Variants in MED13 observed in about 807,000 individuals in gnomAD.
MED13 encodes mediator complex subunit 13.
Under a neutral mutation model 225.2 loss-of-function variants are expected in MED13, and 23 were observed. That is an observed-to-expected ratio of 0.10 (90% CI 0.07 to 0.14). The LOEUF is 0.14. Among genes scored for constraint, MED13 ranks in the 10% least tolerant of loss-of-function variants. The probability of loss-of-function intolerance (pLI) is 1.00; values close to 1 mark genes in which losing one functional copy is unlikely to be tolerated. For synonymous variants in MED13, 942 were observed against 889.2 expected (o/e 1.06, Z -1.06); for missense variants, 2,197 against 2,594.5 (o/e 0.85, Z 3.33).
In MED13 at chr17:61,995,342, G is replaced by A. The variant is rs1356737571; in HGVS notation, c.1991C>T (p.Pro664Leu). 2 of 1,610,654 alleles carry A rather than the reference G, an allele frequency of 1.2e-6. No homozygotes were observed. Among genetic ancestry groups the A allele is most frequent in the Admixed American group, 1.7e-5 (1 of 59,600 alleles). ...CACTAATTCATCAGAAACTTTTAAA[G>A]GTTTCTTACATTGCACCATTAACCT... The part of the protein sequence containing the change: ...VTELMVQCKK[P>L]LKVSDELVQQ... The change falls in exon 10 of 30, where the codon CCT becomes CTT. Residue 664 changes from proline to leucine, a missense_variant. Physicochemically the swap from Pro to Leu is moderately conservative, Grantham distance 98. Around this residue, in one of 12 missense-constraint regions of MED13, gnomAD observed 884 missense variants for 918.5 expected, o/e 0.96. Coordinates refer to ENST00000397786, the MANE Select transcript of MED13 (RefSeq NM_005121.3).
At chr17:62,011,282 C>T (rs766063393) in intron 8 of MED13, 49 bp from the exon 9 acceptor site, 62 of 1,502,458 alleles carry the variant, frequency 4.1e-5, no homozygotes, top group Admixed American at 8.0e-5. Flanking sequence ...ACTATTATGG[C>T]GAAGTATAAT....
intron 2 of MED13, among the ~76,000 whole-genome samples, chr17:62,058,971 T>TA (rs1269022147): frequency 2.0e-5 from 3 of 152,198 alleles, no homozygotes; most frequent in Admixed American, 6.5e-5. Context: ...AAACAAATGC[T>TA]AAGTGACATA....
At chr17:62,052,830 A>G (rs1175351884) in intron 2 of MED13, 125 bp from the exon 3 acceptor site, 2 of 549,002 alleles carry the variant, frequency 3.6e-6, no homozygotes, top group African/African-American at 1.9e-5. Flanking sequence ...ATTAAGCTAC[A>G]ATCACTTCAA....
intron 9 of MED13, among the ~76,000 whole-genome samples, chr17:61,997,009 A>G (rs369083627): frequency 2.6e-5 from 4 of 152,228 alleles, no homozygotes; most frequent in Non-Finnish European, 4.4e-5. Context: ...AACAATTTTT[A>G]CACACTAGAA....
chr17:62,027,772 T>C lies in MED13; in HGVS notation c.1283+1769A>G, dbSNP rs188834723. ...AAGTGGGCAAAGGACATGAAAACTT[T>C]TCAAAAGAAGACATATGTGCAGCCA... On this transcript the variant is annotated intron_variant, in intron 8 of 29. Coordinates refer to ENST00000397786, the MANE Select transcript of MED13 (RefSeq NM_005121.3). Among the ~76,000 whole-genome samples, 4 of 152,268 alleles carry C rather than the reference T, an allele frequency of 2.6e-5. No homozygotes were observed. In the East Asian group the frequency reaches 7.7e-4, roughly 29 times the overall value.
chr17:62,018,545 A>G (rs1319829113), intron 8 of MED13, among the ~76,000 whole-genome samples: 6 of 152,184 alleles, frequency 3.9e-5, no homozygotes, highest in African/African-American at 1.2e-4. Context: ...TCTCTATTAC[A>G]AATACACACA....
intron 3 of MED13, among the ~76,000 whole-genome samples, chr17:62,039,357 A>G (rs556649868): frequency 3.9e-5 from 6 of 152,254 alleles, no homozygotes; most frequent in African/African-American, 1.4e-4. Context: ...ACCTTGGCTC[A>G]CTGCAGCCTC....
In MED13 at chr17:62,063,182, C is replaced by CTTA. The variant is rs1203871781; in HGVS notation, c.183_185dup (p.Leu61_Lys62insAsn). 1.9e-6 allele frequency: 3 copies of CTTA among 1,614,150 alleles called. No homozygotes were observed. The highest frequency in any genetic ancestry group is 2.5e-6 in the Non-Finnish European group (3 of 1,180,024). ...GCCGCCAAACACCAAGTACATCTGCCTTAAGGCAGCGACTAAAACTGCTCA... is the reference window on the plus strand; with the variant it reads ...GCCGCCAAACACCAAGTACATCTGCCTTATTAAGGCAGCGACTAAAACTGCTCA... On this transcript the variant is annotated inframe_insertion, in exon 2 of 30. Transcript: ENST00000397786.
At chr17:62,034,008 A>T in intron 4 of MED13, 24 bp from the exon 5 acceptor site, 1 of 1,593,100 alleles carries the variant, frequency 6.3e-7, no homozygotes, top group Non-Finnish European at 8.6e-7. Context: ...GCAGACATCA[A>T]ATAAGTAACA....
chr17:62,014,465 C>T (rs941018012), intron 8 of MED13, among the ~76,000 whole-genome samples: 5 of 151,872 alleles, frequency 3.3e-5, no homozygotes, highest in African/African-American at 9.7e-5. Flanking sequence ...TACAGGTGCC[C>T]GCCACCACAC....
rs538265873 is a variant in MED13, at chr17:62,034,334, A to C, written c.617-350T>G. ...ACCCTGTCTCTAATAAAATACAAAAAAAATTAGCTGGGTGTGGTTGCACAC... is the reference window on the plus strand; with the variant it reads ...ACCCTGTCTCTAATAAAATACAAAACAAATTAGCTGGGTGTGGTTGCACAC... On this transcript the variant is annotated intron_variant, in intron 4 of 29. Coordinates refer to ENST00000397786, the MANE Select transcript of MED13 (RefSeq NM_005121.3). Among the ~76,000 whole-genome samples the C allele has an allele frequency of 5.3e-5, 8 of 152,048 alleles. No homozygotes were observed. The South Asian group carries it at 1.7e-3, about 32-fold the overall frequency.
intron 28 of MED13, among the ~76,000 whole-genome samples, chr17:61,948,555 G>T (rs1424980404): frequency 6.6e-6 from 1 of 151,812 alleles, no homozygotes; most frequent in Non-Finnish European, 1.5e-5. Flanking sequence ...ATTATGACTA[G>T]AAAAGAGGAC....
chr17:62,012,327 C>CTTTTTTTTT (rs60421231), intron 8 of MED13, among the ~76,000 whole-genome samples: 1 of 129,646 alleles, frequency 7.7e-6, no homozygotes, highest in Non-Finnish European at 1.6e-5. Flanking sequence ...CACTAAGAAA[C>CTTTTTTTTT]TTTTTTTTTT....
chr17:62,041,510 C>CTGTA (rs1462052590), intron 3 of MED13, among the ~76,000 whole-genome samples: 12 of 152,128 alleles, frequency 7.9e-5, no homozygotes, highest in Non-Finnish European at 1.5e-4. Flanking sequence ...TGCCACTGAA[C>CTGTA]TGTACACTGA....
intron 8 of MED13, among the ~76,000 whole-genome samples, chr17:62,012,560 C>G (rs1174371982): frequency 1.3e-5 from 2 of 151,964 alleles, no homozygotes; most frequent in African/African-American, 4.8e-5. Flanking sequence ...GAACTCCCGA[C>G]CTCAGGAGAT....
intron 9 of MED13, among the ~76,000 whole-genome samples, chr17:62,000,190 T>C (rs1180245666): frequency 6.6e-6 from 1 of 152,140 alleles, no homozygotes; most frequent in Non-Finnish European, 1.5e-5. Context: ...AAACAGAAAA[T>C]GGAGTTTCAC....
intron 9 of MED13, among the ~76,000 whole-genome samples, chr17:62,001,211 C>T (rs1177860662): frequency 6.6e-6 from 1 of 152,148 alleles, no homozygotes; most frequent in Non-Finnish European, 1.5e-5. Context: ...ATCTTTCTAC[C>T]TCATGAACTA....
chr17:62,051,447 A>C (rs1036465510), intron 3 of MED13, among the ~76,000 whole-genome samples: 4 of 152,214 alleles, frequency 2.6e-5, no homozygotes, highest in African/African-American at 9.6e-5. Flanking sequence ...GAGAAAAATC[A>C]ATCCCTACAT....
intron 9 of MED13, among the ~76,000 whole-genome samples, chr17:62,000,150 T>C (rs1372248884): frequency 6.6e-6 from 1 of 152,206 alleles, no homozygotes; most frequent in Non-Finnish European, 1.5e-5. Flanking sequence ...CACCTTTCAA[T>C]AGCAATCAAT....
Sources: allele counts gnomAD v4.1 joint callset (sites outside exome capture counted in the v4.1 genomes callset), GRCh38; gene constraint gnomAD v4.1.1; regional missense constraint gnomAD v4.1.1; transcripts MANE v1.5; gene names NCBI Gene and HGNC (gene_info 2026-07-23, HGNC 2026-07-21).